Variants in MYO3A observed in about 807,000 individuals in gnomAD.
The protein encoded by MYO3A is myosin-IIIa.
MYO3A carries 180 observed loss-of-function variants against 192.7 expected under a neutral mutation model. The ratio of observed to expected loss-of-function variants is 0.93; its 90% CI spans 0.83 to 1.06. The LOEUF (loss-of-function observed/expected upper bound fraction) is 1.06, where lower values mean the gene tolerates loss of function less well. MYO3A is among the 50% of genes least tolerant of loss of function. The pLI is 0.00. For missense variants in MYO3A, 1,896 were observed against 1,905.0 expected, an observed-to-expected ratio of 1.00 and a Z score of 0.09; for synonymous variants, 628 against 645.3, an observed-to-expected ratio of 0.97 and a Z score of 0.41.
intron 2 of MYO3A, among the ~76,000 whole-genome samples, chr10:25,936,599 A>C (rs1836082562): frequency 1.3e-5 from 2 of 152,202 alleles, no homozygotes; most frequent in African/African-American, 4.8e-5. Flanking sequence ...ATTTCTGATA[A>C]GCTTTCAAAT....
At position 26,196,386 on chromosome 10, in the gene MYO3A, A is replaced by G. The variant is rs537060297; in HGVS notation, c.4545+3075A>G. On this transcript the variant is annotated intron_variant, in intron 32 of 34. Transcript: ENST00000642920. ...GTGGAGCAAATTCTGAGCCTCATAAATGAGTTCCATCCCCAAGAAGCTTAC... is the reference window on the plus strand; with the variant it reads ...GTGGAGCAAATTCTGAGCCTCATAAGTGAGTTCCATCCCCAAGAAGCTTAC... Among the ~76,000 whole-genome samples the G allele has an allele frequency of 3.7e-4, 56 of 152,356 alleles. 1 individual carries two copies. The highest frequency in any genetic ancestry group is 1.3e-3 in the African/African-American group (55 of 41,586).
intron 10 of MYO3A, among the ~76,000 whole-genome samples, chr10:26,057,761 A>G (rs978646348): frequency 6.6e-6 from 1 of 152,216 alleles, no homozygotes; most frequent in Non-Finnish European, 1.5e-5. Context: ...GGAAGCAAAA[A>G]TAGCACAATC....
At chr10:26,042,947 A>G (rs561259543) in intron 10 of MYO3A, among the ~76,000 whole-genome samples, 3 of 152,266 alleles carry the variant, frequency 2.0e-5, no homozygotes, top group East Asian at 1.9e-4. Flanking sequence ...GTTTGTGCCT[A>G]TCTTTCTTGG....
At chr10:26,102,080 G>T (rs1837488998) in intron 17 of MYO3A, among the ~76,000 whole-genome samples, 1 of 152,078 alleles carries the variant, frequency 6.6e-6, no homozygotes, top group Non-Finnish European at 1.5e-5. Context: ...ATATTTCTTG[G>T]AAGCTTTGTT....
intron 6 of MYO3A, among the ~76,000 whole-genome samples, chr10:26,004,220 G>A (rs1841033882): frequency 6.6e-6 from 1 of 152,050 alleles, no homozygotes; most frequent in African/African-American, 2.4e-5. Context: ...TCCTGTATGG[G>A]GACGAACTTC....
rs190713054 is a variant in MYO3A, at chr10:26,174,929, T to C, written c.4293+372T>C. Among the ~76,000 whole-genome samples, 31 of 152,316 alleles carry C rather than the reference T, an allele frequency of 2.0e-4. 1 individual carries two copies. The East Asian group carries it at 5.6e-3, about 27-fold the overall frequency. On this transcript the variant is annotated intron_variant, in intron 30 of 34. Transcript: ENST00000642920. ...TTCTAAATCCTCCAAAGTTTATGCTTTCTCCCTTTCACAAATTTGAGAAGA... is the reference window on the plus strand; with the variant it reads ...TTCTAAATCCTCCAAAGTTTATGCTCTCTCCCTTTCACAAATTTGAGAAGA...
intron 33 of MYO3A, among the ~76,000 whole-genome samples, chr10:26,202,329 C>A (rs1366717259): frequency 6.6e-6 from 1 of 152,138 alleles, no homozygotes; most frequent in African/African-American, 2.4e-5. Context: ...GGAGATTTCC[C>A]AGACCTACCT....
At chr10:26,077,456 G>A (rs1246270514) in intron 14 of MYO3A, among the ~76,000 whole-genome samples, 3 of 151,550 alleles carry the variant, frequency 2.0e-5, no homozygotes, top group Admixed American at 6.6e-5. Context: ...GTGACAGTTC[G>A]ACTTCCTCTC....
chr10:26,118,513 C>G (rs1197493033), intron 17 of MYO3A, among the ~76,000 whole-genome samples: 1 of 152,118 alleles, frequency 6.6e-6, no homozygotes, highest in Non-Finnish European at 1.5e-5. Flanking sequence ...CCATCTTGCC[C>G]CAGTCCACTC....
At chr10:26,159,357 C>CT (rs1841356013) in intron 26 of MYO3A, among the ~76,000 whole-genome samples, 1 of 135,924 alleles carries the variant, frequency 7.4e-6, no homozygotes. Context: ...TCTTTTTTTT[C>CT]TTTTTCTTTT....
intron 10 of MYO3A, among the ~76,000 whole-genome samples, chr10:26,062,858 A>C (rs1473724338): frequency 6.7e-6 from 1 of 149,820 alleles, no homozygotes; most frequent in Non-Finnish European, 1.5e-5. Context: ...TGGAAAGTGA[A>C]AAAGAAGTGT....
At chr10:26,110,047 G>A (rs1838063953) in intron 17 of MYO3A, among the ~76,000 whole-genome samples, 1 of 152,172 alleles carries the variant, frequency 6.6e-6, no homozygotes, top group Admixed American at 6.5e-5. Context: ...TCAATGGCAA[G>A]CCAAGATTGA....
At chr10:26,130,735 T>C (rs1839485129) in intron 20 of MYO3A, among the ~76,000 whole-genome samples, 1 of 152,218 alleles carries the variant, frequency 6.6e-6, no homozygotes, top group Admixed American at 6.5e-5. Context: ...GCTGAATGTG[T>C]TATCCAGAAG....
chr10:25,967,949 A>G (rs1263624140), intron 4 of MYO3A, among the ~76,000 whole-genome samples: 4 of 152,194 alleles, frequency 2.6e-5, no homozygotes, highest in African/African-American at 9.7e-5. Context: ...GACCTATGAG[A>G]CATTACCTAG....
intron 15 of MYO3A, among the ~76,000 whole-genome samples, chr10:26,094,106 A>C (rs80225030): frequency 4.6e-5 from 7 of 152,362 alleles, no homozygotes; most frequent in African/African-American, 1.4e-4. Flanking sequence ...TAAGTATTTC[A>C]ATTTGTTAAC....
rs139603001 is a variant in MYO3A, at chr10:26,194,196, G to A, written c.4545+885G>A. Reference sequence around the variant, plus strand: ...TCAGGTCCCACGTAACTGCCTAATCGCATCCTCTCCAGCCTGCACCTGAAA... The same window carrying A: ...TCAGGTCCCACGTAACTGCCTAATCACATCCTCTCCAGCCTGCACCTGAAA... On this transcript the variant is annotated intron_variant, in intron 32 of 34. Coordinates refer to ENST00000642920, the MANE Select transcript of MYO3A (RefSeq NM_017433.5). Among the ~76,000 whole-genome samples, 897 of 152,050 alleles carry A rather than the reference G, an allele frequency of 5.9e-3. 15 individuals carry two copies. The highest frequency in any genetic ancestry group is 0.02 in the African/African-American group (845 of 41,452).
At chr10:26,124,046 A>C (rs115074543) in intron 18 of MYO3A, among the ~76,000 whole-genome samples, 2,652 of 152,208 alleles carry the variant, frequency 0.017, 85 homozygotes, top group African/African-American at 0.058. Flanking sequence ...ATAATTAGCC[A>C]GGCAGGTTGT....
chr10:26,176,733 G>T lies in MYO3A; in HGVS notation c.4326G>T (p.Leu1442=). 1 of 1,610,338 alleles carries T rather than the reference G, an allele frequency of 6.2e-7. No homozygotes were observed. The highest frequency in any genetic ancestry group is 1.1e-5 in the South Asian group (1 of 90,998). The change falls in exon 31 of 35, where the codon CTG becomes CTT. Residue 1442 remains leucine (L), a synonymous_variant. Transcript: ENST00000642920. The part of the protein sequence containing the change: ...ISKLSEEYFI[L]QKKLNEMILS... ...AGTTATCTGAAGAATATTTCATTCT[G>T]CAGAAAAAATTGAATGAAATGATTT...
At chr10:26,015,677 C>T (rs7906664) in intron 6 of MYO3A, among the ~76,000 whole-genome samples, 53 of 152,164 alleles carry the variant, frequency 3.5e-4, no homozygotes, top group Admixed American at 1.9e-3. Flanking sequence ...GCATAGCACT[C>T]AAAAAACATG....
Sources: gnomAD v4.1 joint callset for allele counts (sites outside exome capture counted in the v4.1 genomes callset) on GRCh38, gnomAD v4.1.1 for gene constraint, MANE v1.5 for transcripts, NCBI Gene and HGNC (gene_info 2026-07-23, HGNC 2026-07-21) for gene names.